Variants in ZNF892 observed in about 807,000 individuals in gnomAD.
ZNF892 encodes zinc finger protein 570-like.
chr2:95,249,229 ATATTTTTTTTTT>A, the ZNF892 span, among the ~76,000 whole-genome samples: 169 of 70,624 alleles, frequency 2.4e-3, no homozygotes, highest in Non-Finnish European at 3.6e-3. Context: ...ATATATATAT[ATATTTTTTTTTT>A]TTTTTTTTTT....
the ZNF892 span, among the ~76,000 whole-genome samples, chr2:95,224,676 G>T: frequency 6.6e-6 from 1 of 152,194 alleles, no homozygotes. Flanking sequence ...ATTACAATTT[G>T]ACATGAGATT....
At chr2:95,239,144 GAA>G in the ZNF892 span, among the ~76,000 whole-genome samples, 7 of 126,054 alleles carry the variant, frequency 5.6e-5, no homozygotes, top group Non-Finnish European at 8.0e-5. Context: ...CGTCTCAAAG[GAA>G]AAAAAAAAAA....
chr2:95,206,402 A>G, the ZNF892 span, among the ~76,000 whole-genome samples: 1 of 152,112 alleles, frequency 6.6e-6, no homozygotes, highest in African/African-American at 2.4e-5. Flanking sequence ...AGACGGCTAA[A>G]GCTCAAAATT....
At chr2:95,208,714 T>TG in the ZNF892 span, 4 of 398,566 alleles carry the variant, frequency 1.0e-5, no homozygotes, top group Non-Finnish European at 1.3e-5. Context: ...GTGACTGCTG[T>TG]GCTGCTGACC....
the ZNF892 span, among the ~76,000 whole-genome samples, chr2:95,250,974 TA>T: frequency 2.6e-4 from 38 of 148,544 alleles, no homozygotes; most frequent in South Asian, 2.5e-3. Flanking sequence ...AATGCTTATA[TA>T]AAAAAATAAA....
At chr2:95,256,880 G>A in the ZNF892 span, among the ~76,000 whole-genome samples, 1 of 152,138 alleles carries the variant, frequency 6.6e-6, no homozygotes, top group Non-Finnish European at 1.5e-5. Context: ...ACTGAGGCTT[G>A]TGCATTCATC....
the ZNF892 span, among the ~76,000 whole-genome samples, chr2:95,213,599 TTTTC>T: frequency 2.0e-5 from 3 of 152,280 alleles, no homozygotes; most frequent in East Asian, 5.8e-4. Flanking sequence ...TTTCTCTCTT[TTTTC>T]TTTCTTCTTG....
At chr2:95,259,005 G>A in the ZNF892 span, 1 of 152,338 alleles carries the variant, frequency 6.6e-6, no homozygotes, top group Admixed American at 6.5e-5. Context: ...AAGGAGAAGC[G>A]ATTGCAGAGA....
At chr2:95,242,775 C>A in the ZNF892 span, among the ~76,000 whole-genome samples, 1 of 152,124 alleles carries the variant, frequency 6.6e-6, no homozygotes, top group Non-Finnish European at 1.5e-5. Flanking sequence ...CACATGGGCT[C>A]AAAATAAAGG....
chr2:95,214,681 C>T, the ZNF892 span: 1 of 405,964 alleles, frequency 2.5e-6, no homozygotes, highest in East Asian at 3.6e-5. Context: ...AGAATTTGTG[C>T]AGGAAAGAAA....
the ZNF892 span, among the ~76,000 whole-genome samples, chr2:95,248,047 T>C: frequency 5.6e-4 from 86 of 152,290 alleles, no homozygotes; most frequent in African/African-American, 2.0e-3. Flanking sequence ...CATATGTTCA[T>C]TGCAACACTA....
the ZNF892 span, among the ~76,000 whole-genome samples, chr2:95,213,221 T>G: frequency 2.0e-5 from 3 of 152,208 alleles, no homozygotes; most frequent in Non-Finnish European, 4.4e-5. Context: ...TATCCTCCAC[T>G]AACTGTGTGT....
chr2:95,240,617 A>G, the ZNF892 span, among the ~76,000 whole-genome samples: 1 of 152,144 alleles, frequency 6.6e-6, no homozygotes, highest in African/African-American at 2.4e-5. Context: ...ACTCGTACAT[A>G]CCTCTAGAAA....
chr2:95,242,300 A>C, the ZNF892 span, among the ~76,000 whole-genome samples: 1 of 152,252 alleles, frequency 6.6e-6, no homozygotes, highest in African/African-American at 2.4e-5. Context: ...ACCTCTCAGC[A>C]GAAACCTTAC....
the ZNF892 span, among the ~76,000 whole-genome samples, chr2:95,210,060 G>A: frequency 6.0e-4 from 90 of 150,138 alleles, no homozygotes; most frequent in African/African-American, 2.1e-3. Flanking sequence ...AAAATTAACC[G>A]TTCGATTCAT....
At chr2:95,243,906 G>A in the ZNF892 span, among the ~76,000 whole-genome samples, 10 of 152,228 alleles carry the variant, frequency 6.6e-5, no homozygotes, top group Admixed American at 6.5e-4. Flanking sequence ...AGAAAGGGGG[G>A]AAGGTGGGGA....
At chr2:95,260,380 A>G in the ZNF892 span, among the ~76,000 whole-genome samples, 8 of 151,758 alleles carry the variant, frequency 5.3e-5, no homozygotes, top group Admixed American at 1.3e-4. Context: ...CTTCTCCCTG[A>G]TCTAGCCTAG....
chr2:95,262,508 G>A, the ZNF892 span, among the ~76,000 whole-genome samples: 4 of 152,166 alleles, frequency 2.6e-5, no homozygotes, highest in Admixed American at 1.3e-4. Flanking sequence ...CTCTGGGAAG[G>A]CTGTTTAAAG....
the ZNF892 span, among the ~76,000 whole-genome samples, chr2:95,233,729 A>T: frequency 6.7e-6 from 1 of 148,922 alleles, no homozygotes; most frequent in African/African-American, 2.5e-5. Context: ...ACTGCTGTCA[A>T]ATTCAAGCAA....
Sources: allele counts gnomAD v4.1 joint callset (sites outside exome capture counted in the v4.1 genomes callset), GRCh38; gene constraint gnomAD v4.1.1; transcripts MANE v1.5; gene names NCBI Gene and HGNC (gene_info 2026-07-23, HGNC 2026-07-21).